Variants in ECT2L observed in about 807,000 individuals in gnomAD.
The protein encoded by ECT2L is epithelial cell-transforming sequence 2 oncogene-like.
ECT2L carries 126 observed loss-of-function variants against 122.8 expected under a neutral mutation model. The ratio of observed to expected loss-of-function variants is 1.03; its 90% CI spans 0.89 to 1.19. ECT2L has a LOEUF of 1.19. Ranked by LOEUF, ECT2L falls within the 50% of genes most tolerant of loss-of-function variation. The pLI is 0.00. For synonymous variants in ECT2L, 385 were observed against 381.8 expected, an observed-to-expected ratio of 1.01 and a Z score of -0.10; for missense variants, 1,012 against 1,064.1, an observed-to-expected ratio of 0.95 and a Z score of 0.68.
intron 1 of ECT2L, among the ~76,000 whole-genome samples, chr6:138,805,967 A>G (rs908422878): frequency 6.6e-6 from 1 of 152,188 alleles, no homozygotes; most frequent in African/African-American, 2.4e-5. Flanking sequence ...TGCACAGACA[A>G]TATACTGTGT....
rs1177543153 is a variant in ECT2L at position 138,854,127 on chromosome 6, G to A, written c.1171G>A (p.Asp391Asn). 6.2e-7 allele frequency: 1 copy of A among 1,613,998 alleles called. No individual in the cohort carries two copies. Among genetic ancestry groups the A allele is most frequent in the Non-Finnish European group, 8.5e-7 (1 of 1,179,998 alleles). Residue 391 changes from aspartate to asparagine, a missense_variant, in exon 10 of 22, where the codon GAC becomes AAC. Physicochemically the swap from Asp to Asn is conservative, Grantham distance 23. Coordinates refer to ENST00000541398, the MANE Select transcript of ECT2L (RefSeq NM_001077706.3). ...VATEEEGGHVDFFVPLGASEA... is the reference protein window; with the variant it reads ...VATEEEGGHVNFFVPLGASEA... ...CACTGAAGAAGAAGGGGGTCACGTG[G>A]ACTTCTTCGTGCCCCTTGGAGCATC...
intron 20 of ECT2L, among the ~76,000 whole-genome samples, chr6:138,895,423 G>A (rs528882148): frequency 6.6e-6 from 1 of 152,300 alleles, no homozygotes; most frequent in East Asian, 1.9e-4. Flanking sequence ...TAAAGTCATA[G>A]AATAAGTGCT....
At position 138,885,845 on chromosome 6, in the gene ECT2L, A is replaced by T; in HGVS notation, c.2259+15A>T. ...ATATAGATCAGGTTGGTTGCTGATA[A>T]GAATCTGTGTCCTTTAAACATGTTA... On this transcript the variant is annotated intron_variant, in intron 18 of 21. Coordinates refer to ENST00000541398, the MANE Select transcript of ECT2L (RefSeq NM_001077706.3). 1 of 1,609,578 alleles carries T rather than the reference A, an allele frequency of 6.2e-7. No individual in the cohort carries two copies. The highest frequency in any genetic ancestry group is 8.5e-7 in the Non-Finnish European group (1 of 1,177,652).
chr6:138,849,476 C>T (rs200027526), intron 9 of ECT2L, 42 bp downstream of exon 9: 45 of 1,554,060 alleles, frequency 2.9e-5, no homozygotes, highest in Non-Finnish European at 3.6e-5. Context: ...TGGAACTTCG[C>T]GCTGTGCACT....
Position 138,890,492 on chromosome 6 carries a change from C to CTTTT in ECT2L, c.2414+1486_2414+1489dup, listed in dbSNP as rs552594959. 2.1e-3 allele frequency among the ~76,000 whole-genome samples: 165 copies of CTTTT among 78,970 alleles called. 18 individuals are homozygous for CTTTT. The highest frequency in any genetic ancestry group is 8.5e-3 in the African/African-American group (154 of 18,012). 51.8% of individuals were successfully genotyped at this position (78,970 alleles called of 152,430 possible). On this transcript the variant is annotated intron_variant, in intron 20 of 21. Transcript: ENST00000541398. The stretch of plus-strand genomic sequence containing the variant: ...TCATGACATTTTTGTTTTCTTTGAT[C>CTTTT]TTTTTTTTTTTTTTTTTTTTTTTTT...
chr6:138,816,129 A>G (rs535471279), intron 4 of ECT2L, among the ~76,000 whole-genome samples: 72 of 152,338 alleles, frequency 4.7e-4, no homozygotes, highest in Admixed American at 5.2e-4. Flanking sequence ...CCAACTTTGC[A>G]GCTTTCAAGA....
chr6:138,849,573 CTTTT>C (rs761157171), intron 9 of ECT2L, 139 bp downstream of exon 9: 366 of 509,160 alleles, frequency 7.2e-4, no homozygotes, highest in East Asian at 1.1e-3. Context: ...AAAAGCGAAG[CTTTT>C]TTTTTTTTTT....
At chr6:138,831,774 T>C (rs189819165) in intron 4 of ECT2L, among the ~76,000 whole-genome samples, 67 of 152,346 alleles carry the variant, frequency 4.4e-4, no homozygotes, top group African/African-American at 1.5e-3. Flanking sequence ...TTCAAAATAA[T>C]GTTGATTTAA....
chr6:138,830,160 A>G (rs1274932481), intron 4 of ECT2L, among the ~76,000 whole-genome samples: 2 of 152,234 alleles, frequency 1.3e-5, no homozygotes, highest in Non-Finnish European at 2.9e-5. Flanking sequence ...GTTTGATAAT[A>G]TTAAAAGACA....
intron 15 of ECT2L, among the ~76,000 whole-genome samples, 189 bp from the exon 16 acceptor site, chr6:138,882,535 C>A (rs1413268152): frequency 6.6e-6 from 1 of 152,210 alleles, no homozygotes; most frequent in Non-Finnish European, 1.5e-5. Context: ...CCCCGGCCAA[C>A]CTACTCCTTC....
At chr6:138,845,698 C>T (rs182697692) in intron 7 of ECT2L, among the ~76,000 whole-genome samples, 10 of 152,344 alleles carry the variant, frequency 6.6e-5, no homozygotes, top group Admixed American at 5.9e-4. Flanking sequence ...ACTTCACCCA[C>T]TGATGCTACA....
At chr6:138,815,936 T>C (rs998968021) in intron 4 of ECT2L, among the ~76,000 whole-genome samples, 6 of 152,148 alleles carry the variant, frequency 3.9e-5, no homozygotes, top group African/African-American at 1.2e-4. Flanking sequence ...CCTGCATCTG[T>C]GGGTGCAAAG....
chr6:138,884,165 A>G (rs1247204405), intron 16 of ECT2L, among the ~76,000 whole-genome samples: 2 of 151,806 alleles, frequency 1.3e-5, no homozygotes, highest in African/African-American at 4.8e-5. Flanking sequence ...CATGCCAGCC[A>G]ATGTTAGCTA....
chr6:138,885,969 AAT>A, intron 18 of ECT2L, 139 bp downstream of exon 18: 1 of 799,986 alleles, frequency 1.3e-6, no homozygotes, highest in South Asian at 2.1e-5. Flanking sequence ...ATGCTAAATC[AAT>A]AGTGTGTTCC....
At position 138,842,567 on chromosome 6, in the gene ECT2L, G is replaced by C. The variant is rs529380170; in HGVS notation, c.343-412G>C. 4.5e-3 allele frequency among the ~76,000 whole-genome samples: 683 copies of C among 152,226 alleles called. 3 individuals carry two copies. Among genetic ancestry groups the C allele is most frequent in the Middle Eastern group, 0.01 (3 of 294 alleles). The stretch of plus-strand genomic sequence containing the variant: ...TGGGCGGATCACGAGGTCAGGAGAT[G>C]GAGACCATCCTGGCTAACACGGTGA... On this transcript the variant is annotated intron_variant, in intron 5 of 21. Transcript: ENST00000541398.
chr6:138,815,487 G>C (rs1213978419), intron 4 of ECT2L, among the ~76,000 whole-genome samples: 1 of 152,186 alleles, frequency 6.6e-6, no homozygotes, highest in Non-Finnish European at 1.5e-5. Context: ...CTCAATGCCA[G>C]ATAAAAAGCC....
At position 138,838,444 on chromosome 6, in the gene ECT2L, CCTTTTT is replaced by C. The variant is rs1776921653; in HGVS notation, c.273_278del (p.Phe92_Leu93del). 4 of 1,613,856 alleles carry C rather than the reference CCTTTTT, an allele frequency of 2.5e-6. No homozygotes were observed. In the African/African-American group the frequency reaches 4.0e-5, roughly 16 times the overall value. ...CGCTTCATTTCTCTATATATCTTTT[CCTTTTT>C]GAGTCCGAAAGATTTGTGTGCCGCT... is the stretch of plus-strand genomic sequence containing the variant. On this transcript the variant is annotated inframe_deletion, in exon 5 of 22. Transcript: ENST00000541398.
intron 9 of ECT2L, among the ~76,000 whole-genome samples, chr6:138,852,868 C>T (rs774425414): frequency 2.8e-4 from 42 of 152,070 alleles, no homozygotes; most frequent in Middle Eastern, 6.8e-3. Context: ...TGTGGAATGT[C>T]CTGTTAGAGT....
chr6:138,854,190 A>G (rs748978043), intron 10 of ECT2L, 36 bp downstream of exon 10: 1 of 1,568,688 alleles, frequency 6.4e-7, no homozygotes, highest in Admixed American at 1.9e-5. Context: ...GACAGTGGCC[A>G]TGCCACTTCA....
Sources: gnomAD v4.1 joint callset for allele counts (sites outside exome capture counted in the v4.1 genomes callset) on GRCh38, gnomAD v4.1.1 for gene constraint, MANE v1.5 for transcripts, NCBI Gene and HGNC (gene_info 2026-07-23, HGNC 2026-07-21) for gene names.